The following CORO1C variants were observed in gnomAD, a reference collection of about 807,000 sequenced individuals.
The protein encoded by CORO1C is coronin-1C.
Under a neutral mutation model 51.2 loss-of-function variants are expected in CORO1C, and 14 were observed. The ratio of observed to expected loss-of-function variants is 0.27; its 90% CI spans 0.18 to 0.43. CORO1C has a LOEUF of 0.43. Among genes scored for constraint, CORO1C ranks in the 20% least tolerant of loss-of-function variants. The probability of loss-of-function intolerance (pLI) is 1.00; values close to 1 mark genes in which losing one functional copy is unlikely to be tolerated. For synonymous variants in CORO1C, 181 were observed against 210.5 expected, an observed-to-expected ratio of 0.86 and a Z score of 1.21; for missense variants, 417 against 607.8, an observed-to-expected ratio of 0.69 and a Z score of 3.30.
intron 2 of CORO1C, among the ~76,000 whole-genome samples, chr12:108,690,023 G>A (rs557981374): frequency 6.7e-4 from 102 of 152,248 alleles, no homozygotes; most frequent in African/African-American, 2.2e-3. Context: ...TCTTATGACA[G>A]TATTATTTAT....
intron 3 of CORO1C, 117 bp from the exon 4 acceptor site, chr12:108,662,275 C>G (rs1394980217): frequency 4.7e-6 from 4 of 844,668 alleles, no homozygotes; most frequent in Non-Finnish European, 7.6e-6. Context: ...AGAGTGATAT[C>G]TGGATGAAAG....
intron 2 of CORO1C, among the ~76,000 whole-genome samples, chr12:108,695,851 TAAAAAAA>T (rs924887183): frequency 4.8e-5 from 3 of 62,462 alleles, no homozygotes; most frequent in South Asian, 6.2e-4. Flanking sequence ...TTGGGAGAAC[TAAAAAAA>T]AAAAAAAAAA....
rs1365281076 is a variant in CORO1C at position 108,658,930 on chromosome 12, C to T, written c.449-11G>A. ...TGGCATTATCACAGCCTAAAACAGG[C>T]AAAACCATCAGAGATTAGAAGATTA... On this transcript the variant is annotated splice_polypyrimidine_tract_variant and intron_variant, in intron 4 of 10. Coordinates refer to ENST00000261401, the MANE Select transcript of CORO1C (RefSeq NM_014325.4). This position sits in a 1 kb window ranked among gnomAD's most constrained non-coding sequence, Gnocchi z 4.9. 1.3e-6 allele frequency: 2 copies of T among 1,597,812 alleles called. No individual in the cohort carries two copies. The highest frequency in any genetic ancestry group is 1.7e-6 in the Non-Finnish European group (2 of 1,166,564).
At chr12:108,676,493 T>C (rs2033913090) in intron 3 of CORO1C, among the ~76,000 whole-genome samples, 1 of 152,232 alleles carries the variant, frequency 6.6e-6, no homozygotes, top group African/African-American at 2.4e-5. Context: ...GCATCAGAGT[T>C]AGGCGCAGTG....
chr12:108,654,458 T>A (rs2032839795), intron 6 of CORO1C, 48 bp from the exon 7 acceptor site: 1 of 1,094,358 alleles, frequency 9.1e-7, no homozygotes, highest in African/African-American at 1.6e-5. Context: ...TATACATTTT[T>A]TTAAAAATAA....
intron 3 of CORO1C, among the ~76,000 whole-genome samples, chr12:108,662,519 C>A (rs2033316182): frequency 6.6e-6 from 1 of 152,106 alleles, no homozygotes; most frequent in Non-Finnish European, 1.5e-5. Context: ...AGGATACCAA[C>A]AAGGACTACA....
chr12:108,707,240 A>G (rs895176933), intron 1 of CORO1C, among the ~76,000 whole-genome samples: 2 of 152,238 alleles, frequency 1.3e-5, no homozygotes, highest in Non-Finnish European at 2.9e-5. Flanking sequence ...GGGAGAAAAA[A>G]GAGAAAAAGT....
rs762839929 is a variant in CORO1C at position 108,701,359 on chromosome 12, G to T, written c.-5-36C>A. ...AGAGTGAGAATTATGTTAGAATTATGCACCAAACTGAAAGCTTTACTTTTA... is the reference window on the plus strand; with the variant it reads ...AGAGTGAGAATTATGTTAGAATTATTCACCAAACTGAAAGCTTTACTTTTA... On this transcript the variant is annotated intron_variant, in intron 1 of 10. Coordinates refer to ENST00000261401, the MANE Select transcript of CORO1C (RefSeq NM_014325.4). The T allele has an allele frequency of 3.1e-6, 5 of 1,613,128 alleles. No homozygotes were observed. In the African/African-American group the frequency reaches 6.7e-5, roughly 22 times the overall value.
At position 108,659,056 on chromosome 12, in the gene CORO1C, G is replaced by A. The variant is rs950312546; in HGVS notation, c.449-137C>T. The A allele has an allele frequency of 2.5e-4, 230 of 905,794 alleles. 2 individuals carry two copies. The highest frequency in any genetic ancestry group is 2.3e-3 in the Admixed American group (73 of 31,506). The allele number at this position is 905,794 out of a possible 1,614,324, so 56.1% of individuals were successfully genotyped here. A position where few individuals can be genotyped will look rare whatever the true frequency, so the allele number is the denominator to read the frequency against. On this transcript the variant is annotated intron_variant, in intron 4 of 10. Transcript: ENST00000261401. ...AGAGAAAGAGAGAGAGAGAAAAGATGCGGCTGATTGTCAGAGGCCCTACCA... is the reference window on the plus strand; with the variant it reads ...AGAGAAAGAGAGAGAGAGAAAAGATACGGCTGATTGTCAGAGGCCCTACCA...
At chr12:108,703,963 A>C (rs1454287693) in intron 1 of CORO1C, among the ~76,000 whole-genome samples, 2 of 152,240 alleles carry the variant, frequency 1.3e-5, no homozygotes, top group African/African-American at 4.8e-5. Context: ...TCACACAGGC[A>C]TAAGGTCAGC....
chr12:108,710,411 G>A (rs944383464), intron 1 of CORO1C, among the ~76,000 whole-genome samples: 4 of 151,906 alleles, frequency 2.6e-5, no homozygotes, highest in African/African-American at 9.7e-5. Context: ...AATGGATTAC[G>A]GGACAGGTTT....
In CORO1C at chr12:108,648,856, A is replaced by G; in HGVS notation, c.1060-6T>C. 1 of 1,614,146 alleles carries G rather than the reference A, an allele frequency of 6.2e-7. No individual in the cohort carries two copies. The highest frequency in any genetic ancestry group is 8.5e-7 in the Non-Finnish European group (1 of 1,179,986). ...TCATCTTGGAAAAGGTCAGACTACA[A>G]GAGACATTTGGCACCCGTGGGTAAG... On this transcript the variant is annotated splice_polypyrimidine_tract_variant and splice_region_variant and intron_variant, in intron 9 of 10. Transcript: ENST00000261401.
At chr12:108,664,344 T>C (rs2033391396) in intron 3 of CORO1C, among the ~76,000 whole-genome samples, 1 of 152,150 alleles carries the variant, frequency 6.6e-6, no homozygotes, top group Non-Finnish European at 1.5e-5. Context: ...AAGGCAGAGA[T>C]CTAGACTGGA....
intron 3 of CORO1C, among the ~76,000 whole-genome samples, chr12:108,677,367 C>T (rs77223355): frequency 0.033 from 4,981 of 152,274 alleles, 114 homozygotes; most frequent in Non-Finnish European, 0.048. Context: ...ACATAACCTA[C>T]TTTTGGAAAC....
At chr12:108,678,868 T>C (rs553715339) in intron 2 of CORO1C, among the ~76,000 whole-genome samples, 38 of 151,878 alleles carry the variant, frequency 2.5e-4, no homozygotes, top group African/African-American at 8.9e-4. Flanking sequence ...ACGCCTATAA[T>C]CCCAGCACTT....
At chr12:108,708,420 G>A (rs912528895) in intron 1 of CORO1C, among the ~76,000 whole-genome samples, 1 of 150,566 alleles carries the variant, frequency 6.6e-6, no homozygotes, top group Non-Finnish European at 1.5e-5. Context: ...TCCAGAATAG[G>A]CAAATCTAGA....
intron 2 of CORO1C, among the ~76,000 whole-genome samples, chr12:108,683,878 A>G (rs1250888344): frequency 6.6e-6 from 1 of 152,106 alleles, no homozygotes; most frequent in African/African-American, 2.4e-5. Flanking sequence ...AAAAAAGAAA[A>G]GTGCCACTGA....
intron 1 of CORO1C, among the ~76,000 whole-genome samples, chr12:108,726,654 T>TAA (rs751404095): frequency 2.8e-4 from 34 of 119,974 alleles, no homozygotes; most frequent in African/African-American, 9.4e-4. Flanking sequence ...TACAAAACAT[T>TAA]AAAAAAAAAA....
chr12:108,695,341 AGT>A (rs1199057175), intron 2 of CORO1C, among the ~76,000 whole-genome samples: 1 of 152,190 alleles, frequency 6.6e-6, no homozygotes, highest in Non-Finnish European at 1.5e-5. Flanking sequence ...AGCCCTATTC[AGT>A]GTTGGAGGCC....
Sources: allele counts gnomAD v4.1 joint callset (sites outside exome capture counted in the v4.1 genomes callset), GRCh38; gene constraint gnomAD v4.1.1; non-coding constraint Gnocchi (gnomAD v3.1); transcripts MANE v1.5; gene names NCBI Gene and HGNC (gene_info 2026-07-23, HGNC 2026-07-21).